IPO11: variants seen among roughly 807,000 people sequenced by gnomAD.
The protein encoded by IPO11 is importin 11, also known as importin-11.
Under a neutral mutation model 143.2 loss-of-function variants are expected in IPO11, and 66 were observed. The ratio of observed to expected loss-of-function variants is 0.46; its 90% CI spans 0.38 to 0.57. IPO11 has a LOEUF of 0.57. Ranked by LOEUF, IPO11 falls within the 20% of genes least tolerant of loss-of-function variation. IPO11 has a pLI of 0.00. For synonymous variants in IPO11, 385 were observed against 377.8 expected (o/e 1.02, Z -0.22); for missense variants, 1,026 against 1,141.0 (o/e 0.90, Z 1.45).
intron 19 of IPO11, among the ~76,000 whole-genome samples, chr5:62,514,658 G>C (rs1351514336): frequency 1.3e-5 from 2 of 151,632 alleles, no homozygotes; most frequent in Non-Finnish European, 2.9e-5. Flanking sequence ...CATCCCCAAG[G>C]ATATTCTTAG....
chr5:62,595,389 A>G (rs879447309), intron 28 of IPO11, among the ~76,000 whole-genome samples: 1 of 152,234 alleles, frequency 6.6e-6, no homozygotes, highest in African/African-American at 2.4e-5. Context: ...GTGACATATG[A>G]CATACACATG....
Position 62,429,663 on chromosome 5 carries a change from G to A in IPO11, c.-6-7611G>A, listed in dbSNP as rs188766725. 2.0e-3 allele frequency among the ~76,000 whole-genome samples: 299 copies of A among 150,500 alleles called. 2 individuals are homozygous for A. The highest frequency in any genetic ancestry group is 7.1e-3 in the African/African-American group (292 of 40,948). Reference sequence around the variant, plus strand: ...TTTTGAGACAGAGTCTCGCTCTGTCGTCCAGACTGGAGTGCAGTGGTGCGA... The same window carrying A: ...TTTTGAGACAGAGTCTCGCTCTGTCATCCAGACTGGAGTGCAGTGGTGCGA... On this transcript the variant is annotated intron_variant, in intron 1 of 29. Coordinates refer to ENST00000325324, the MANE Select transcript of IPO11 (RefSeq NM_016338.5).
At chr5:62,524,109 G>A (rs147740747) in intron 20 of IPO11, among the ~76,000 whole-genome samples, 79 of 152,078 alleles carry the variant, frequency 5.2e-4, no homozygotes, top group African/African-American at 1.8e-3. Flanking sequence ...AACTTTCAGA[G>A]TATTGTAGGC....
At chr5:62,579,402 C>T (rs1232720613) in intron 27 of IPO11, 9 of 1,541,020 alleles carry the variant, frequency 5.8e-6, no homozygotes, top group Non-Finnish European at 7.9e-6. Flanking sequence ...TTTTTATAGC[C>T]AATTCTGATC....
At chr5:62,570,151 C>T (rs1195818703) in intron 27 of IPO11, among the ~76,000 whole-genome samples, 1 of 151,776 alleles carries the variant, frequency 6.6e-6, no homozygotes, top group Non-Finnish European at 1.5e-5. Context: ...ATTGGATGCT[C>T]ACTCCTTTCA....
chr5:62,580,009 A>T, intron 27 of IPO11: 1 of 1,551,296 alleles, frequency 6.4e-7, no homozygotes, highest in Non-Finnish European at 8.7e-7. Context: ...ATCAAACAAT[A>T]ACATTTTGAG....
At chr5:62,484,293 C>CT in intron 11 of IPO11, 131 bp downstream of exon 11, 1 of 699,004 alleles carries the variant, frequency 1.4e-6, no homozygotes, top group South Asian at 3.1e-5. Flanking sequence ...TTAAAATTAA[C>CT]TTACTCTTTC....
intron 1 of IPO11, among the ~76,000 whole-genome samples, chr5:62,427,123 A>G (rs1743781627): frequency 6.6e-6 from 1 of 151,528 alleles, no homozygotes; most frequent in African/African-American, 2.4e-5. Context: ...TATTTTTAGT[A>G]GAGACAGAGT....
chr5:62,533,964 A>AAAAAAAAG (rs56277060), intron 22 of IPO11, among the ~76,000 whole-genome samples: 128 of 148,658 alleles, frequency 8.6e-4, no homozygotes, highest in African/African-American at 3.0e-3. Flanking sequence ...AAAAAAAAAA[A>AAAAAAAAG]AAAGAAAGCC....
At chr5:62,562,414 G>A (rs1297082828) in intron 27 of IPO11, among the ~76,000 whole-genome samples, 1 of 152,216 alleles carries the variant, frequency 6.6e-6, no homozygotes, top group African/African-American at 2.4e-5. Context: ...GGAAGGGGAT[G>A]TTTTCAGGAT....
intron 19 of IPO11, among the ~76,000 whole-genome samples, chr5:62,509,464 C>T (rs1741673317): frequency 6.6e-6 from 1 of 152,144 alleles, no homozygotes; most frequent in African/African-American, 2.4e-5. Context: ...GACTATAATA[C>T]TCAAAGTGCT....
At chr5:62,524,339 A>G (rs142578681) in intron 20 of IPO11, among the ~76,000 whole-genome samples, 161 of 152,292 alleles carry the variant, frequency 1.1e-3, no homozygotes, top group African/African-American at 3.6e-3. Context: ...GGATTTCTCT[A>G]TACAATCTTT....
rs1211170802 is a variant in IPO11, at chr5:62,435,082, GTGTATATA to G, written c.-6-2174_-6-2167del. On this transcript the variant is annotated intron_variant, in intron 1 of 29. Transcript: ENST00000325324. ...TATATGTATATATATGTATATATAT[GTGTATATA>G]TGTATATATGTATATATATGTATAT... Among the ~76,000 whole-genome samples the G allele has an allele frequency of 1.3e-3, 127 of 94,502 alleles. 4 individuals are homozygous for G. In the Middle Eastern group the frequency reaches 0.015, roughly 11 times the overall value. 62.0% of individuals were successfully genotyped at this position (94,502 alleles called of 152,430 possible). A position where few individuals can be genotyped will look rare whatever the true frequency, so the allele number is the denominator to read the frequency against.
intron 2 of IPO11, among the ~76,000 whole-genome samples, chr5:62,442,485 A>G (rs1192157224): frequency 6.6e-6 from 1 of 152,218 alleles, no homozygotes; most frequent in East Asian, 1.9e-4. Context: ...TGTACTTCTT[A>G]TATGAATTGT....
chr5:62,457,882 C>T (rs1745218597), intron 5 of IPO11, among the ~76,000 whole-genome samples: 1 of 152,134 alleles, frequency 6.6e-6, no homozygotes, highest in Non-Finnish European at 1.5e-5. Flanking sequence ...GGCGCGGTGG[C>T]TCACGCCTGT....
chr5:62,471,325 TA>T (rs35680610), intron 7 of IPO11, among the ~76,000 whole-genome samples: 13,905 of 151,346 alleles, frequency 0.092, 690 homozygotes, highest in East Asian at 0.14. Flanking sequence ...CCAGAGCCAT[TA>T]AAAAAAATAG....
chr5:62,413,716 A>T (rs1344344398), intron 1 of IPO11, among the ~76,000 whole-genome samples: 1 of 152,074 alleles, frequency 6.6e-6, no homozygotes, highest in Non-Finnish European at 1.5e-5. Context: ...TGCCCTTCAG[A>T]TTTCGGTTAT....
intron 27 of IPO11, among the ~76,000 whole-genome samples, chr5:62,569,506 T>C (rs997245594): frequency 5.3e-5 from 8 of 152,234 alleles, no homozygotes; most frequent in Admixed American, 4.6e-4. Flanking sequence ...GTAGTTGCTC[T>C]TATTGTTGAT....
rs1274400541 is a variant in IPO11, at chr5:62,494,077, A to G, written c.1543A>G (p.Met515Val). 1.9e-6 allele frequency: 3 copies of G among 1,613,184 alleles called. No homozygotes were observed. Among genetic ancestry groups the G allele is most frequent in the African/African-American group, 2.7e-5 (2 of 74,910 alleles). The change falls in exon 16 of 30, where the codon ATG becomes GTG. Residue 515 changes from methionine (M) to valine (V), a missense_variant. Physicochemically the swap from Met to Val is conservative, Grantham distance 21. Around this residue, in one of 5 missense-constraint regions of IPO11, gnomAD observed 237 missense variants for 288.0 expected, o/e 0.82. Coordinates refer to ENST00000325324, the MANE Select transcript of IPO11 (RefSeq NM_016338.5). Reference sequence around the variant, plus strand: ...GAAATTCAAGTCTGACTTAAGACCCATGCTTTATGAAGCAATCTGTAACTT... The same window carrying G: ...GAAATTCAAGTCTGACTTAAGACCCGTGCTTTATGAAGCAATCTGTAACTT... The part of the protein sequence containing the change: ...SVKFKSDLRP[M>V]LYEAICNLLQ...
Sources: gnomAD v4.1 joint callset for allele counts (sites outside exome capture counted in the v4.1 genomes callset) on GRCh38, gnomAD v4.1.1 for gene constraint, gnomAD v4.1.1 regional missense constraint, MANE v1.5 for transcripts, NCBI Gene and HGNC (gene_info 2026-07-23, HGNC 2026-07-21) for gene names.